Variants in PARD3 observed in about 807,000 individuals in gnomAD.
PARD3 encodes par-3 family cell polarity regulator.
A neutral mutation model predicts 155.4 loss-of-function variants in PARD3; 75 were observed. The observed-to-expected ratio is 0.48, with a 90% CI of 0.40 to 0.58. The LOEUF (loss-of-function observed/expected upper bound fraction) is 0.58. Ranked by LOEUF, PARD3 falls within the 20% of genes least tolerant of loss-of-function variation. The pLI is 0.00. For synonymous variants in PARD3, 576 were observed against 610.5 expected, an observed-to-expected ratio of 0.94 and a Z score of 0.83; for missense variants, 1,642 against 1,721.7, an observed-to-expected ratio of 0.95 and a Z score of 0.82.
At chr10:34,272,674 C>T (rs1955677457) in intron 21 of PARD3, among the ~76,000 whole-genome samples, 1 of 152,110 alleles carries the variant, frequency 6.6e-6, no homozygotes, top group Admixed American at 6.5e-5. Flanking sequence ...TGCAGTGAAC[C>T]ATGACTGTGC....
chr10:34,355,275 C>T (rs1291051263), intron 14 of PARD3, among the ~76,000 whole-genome samples: 5 of 152,034 alleles, frequency 3.3e-5, no homozygotes, highest in African/African-American at 1.2e-4. Context: ...TACAGTGAGC[C>T]GGGGACTATA....
intron 1 of PARD3, among the ~76,000 whole-genome samples, chr10:34,796,363 C>T (rs548666877): frequency 1.4e-4 from 21 of 152,242 alleles, no homozygotes; most frequent in African/African-American, 5.1e-4. Flanking sequence ...TCCTGGCCCA[C>T]AAAATCATGA....
At chr10:34,464,955 A>C (rs1389314287) in intron 4 of PARD3, among the ~76,000 whole-genome samples, 1 of 152,222 alleles carries the variant, frequency 6.6e-6, no homozygotes, top group Non-Finnish European at 1.5e-5. Flanking sequence ...TGCAGATACC[A>C]AAATCCATAG....
chr10:34,345,231 C>G, intron 15 of PARD3: 1 of 984,766 alleles, frequency 1.0e-6, no homozygotes, highest in Non-Finnish European at 1.2e-6. Flanking sequence ...CTGATGACAT[C>G]TGACATCCTT....
rs577481101 is a variant in PARD3, at chr10:34,751,053, T to A, written c.121-54634A>T. ...ATATTAGGAGTGGGAGGCATAGAGA[T>A]CAGTTCAGGTTTTGCCAACAGACAG... On this transcript the variant is annotated intron_variant, in intron 1 of 24. Coordinates refer to ENST00000374788, the MANE Select transcript of PARD3 (RefSeq NM_001184785.2). Among the ~76,000 whole-genome samples, 22 of 152,226 alleles carry A rather than the reference T, an allele frequency of 1.4e-4. No homozygotes were observed. In the South Asian group the frequency reaches 4.4e-3, roughly 30 times the overall value.
chr10:34,429,553 AGTTTTGTTTTGTTTTGTTTT>A (rs58220151), intron 5 of PARD3, among the ~76,000 whole-genome samples: 23,193 of 145,068 alleles, frequency 0.16, 3,742 homozygotes, highest in African/African-American at 0.42. Flanking sequence ...ACTCTAACTC[AGTTTTGTTTTGTTTTGTTTT>A]GTTTTGTTTT....
chr10:34,114,208 G>A (rs758926064), intron 24 of PARD3, among the ~76,000 whole-genome samples: 41 of 152,140 alleles, frequency 2.7e-4, no homozygotes, highest in Non-Finnish European at 4.9e-4. Flanking sequence ...GCTGCAGTGA[G>A]CCGTGATTGC....
chr10:34,113,867 T>G (rs1374790313), intron 24 of PARD3, among the ~76,000 whole-genome samples: 1 of 152,130 alleles, frequency 6.6e-6, no homozygotes. Context: ...AAATAACACA[T>G]GTAAAGTGCT....
chr10:34,337,778 G>A (rs565487484), intron 16 of PARD3, among the ~76,000 whole-genome samples: 2 of 152,106 alleles, frequency 1.3e-5, no homozygotes, highest in Non-Finnish European at 2.9e-5. Flanking sequence ...CAGGAAACCT[G>A]TCATATATTA....
chr10:34,563,416 G>A lies in PARD3; in HGVS notation c.223-46257C>T, dbSNP rs189064553. 8.6e-4 allele frequency among the ~76,000 whole-genome samples: 131 copies of A among 152,200 alleles called. 2 individuals carry two copies. Among genetic ancestry groups the A allele is most frequent in the Non-Finnish European group, 1.6e-4 (11 of 68,012 alleles). On this transcript the variant is annotated intron_variant, in intron 2 of 24. Transcript: ENST00000374788. ...AGAGTCTCGCACTCTCACCAGGCTG[G>A]ACTGCAGTGGCACGATCTCGGCTCA...
chr10:34,503,121 CA>C (rs1237554121), intron 3 of PARD3, among the ~76,000 whole-genome samples: 1 of 152,166 alleles, frequency 6.6e-6, no homozygotes, highest in African/African-American at 2.4e-5. Flanking sequence ...AACTGATCAC[CA>C]GCTGGTTTTC....
chr10:34,131,666 G>T, intron 22 of PARD3, 83 bp from the exon 23 acceptor site: 2 of 1,189,122 alleles, frequency 1.7e-6, no homozygotes, highest in African/African-American at 1.5e-5. Flanking sequence ...ATGGCAACTT[G>T]CTGTGAAATG....
chr10:34,387,803 GT>G (rs11323020), intron 7 of PARD3, among the ~76,000 whole-genome samples: 87,790 of 151,862 alleles, frequency 0.58, 27,273 homozygotes, highest in African/African-American at 0.83. Context: ...AAACCTATGT[GT>G]TTTTTTTCTG....
At chr10:34,662,221 T>A (rs1366507481) in intron 2 of PARD3, among the ~76,000 whole-genome samples, 2 of 152,084 alleles carry the variant, frequency 1.3e-5, no homozygotes, top group African/African-American at 4.8e-5. Flanking sequence ...CTCACCACAG[T>A]TAAAATGGCT....
intron 22 of PARD3, among the ~76,000 whole-genome samples, chr10:34,257,977 T>C (rs1034325819): frequency 6.6e-6 from 1 of 152,198 alleles, no homozygotes; most frequent in African/African-American, 2.4e-5. Context: ...AATTTAACAT[T>C]TGCAAAATGT....
At chr10:34,630,396 A>T (rs1198580508) in intron 2 of PARD3, among the ~76,000 whole-genome samples, 1 of 151,308 alleles carries the variant, frequency 6.6e-6, no homozygotes, top group African/African-American at 2.4e-5. Context: ...CTATGGCCAC[A>T]AGTCCCGACC....
At chr10:34,274,124 T>C (rs1013732258) in intron 21 of PARD3, among the ~76,000 whole-genome samples, 2 of 152,130 alleles carry the variant, frequency 1.3e-5, no homozygotes, top group African/African-American at 4.8e-5. Flanking sequence ...AAAGTGAATA[T>C]TAGGAAGTTA....
intron 2 of PARD3, among the ~76,000 whole-genome samples, chr10:34,578,321 A>T (rs1311608545): frequency 1.3e-5 from 2 of 152,214 alleles, no homozygotes; most frequent in African/African-American, 4.8e-5. Flanking sequence ...AACACCAAGC[A>T]TGCGAGCGTT....
At chr10:34,267,625 T>C (rs891470320) in intron 22 of PARD3, among the ~76,000 whole-genome samples, 2 of 152,212 alleles carry the variant, frequency 1.3e-5, no homozygotes, top group African/African-American at 4.8e-5. Flanking sequence ...GAGTTACCTG[T>C]TGCATCTGCA....
Sources: gnomAD v4.1 joint callset for allele counts (sites outside exome capture counted in the v4.1 genomes callset) on GRCh38, gnomAD v4.1.1 for gene constraint, MANE v1.5 for transcripts, NCBI Gene and HGNC (gene_info 2026-07-23, HGNC 2026-07-21) for gene names.